Variants in PDE10A observed in about 807,000 individuals in gnomAD.
The protein encoded by PDE10A is phosphodiesterase 10A.
Under a neutral mutation model 97.7 loss-of-function variants are expected in PDE10A, and 39 were observed. That is an observed-to-expected ratio of 0.40 (90% CI 0.31 to 0.52). The LOEUF (loss-of-function observed/expected upper bound fraction) is 0.52, where lower values mean the gene tolerates loss of function less well. Among genes scored for constraint, PDE10A ranks in the 20% least tolerant of loss-of-function variants. The pLI, the probability that PDE10A is intolerant of heterozygous loss-of-function variation, is 0.56. For missense variants in PDE10A, 731 were observed against 1,047.8 expected (o/e 0.70, Z 4.17); for synonymous variants, 371 against 376.8 (o/e 0.98, Z 0.18).
At chr6:165,966,402 G>A (rs1395761878) in intron 1 of PDE10A, among the ~76,000 whole-genome samples, 2 of 152,198 alleles carry the variant, frequency 1.3e-5, no homozygotes, top group Non-Finnish European at 2.9e-5. Flanking sequence ...TCCTGACCAT[G>A]TGTCTCGCTG....
chr6:165,589,906 T>C (rs1007590673), intron 1 of PDE10A, among the ~76,000 whole-genome samples: 1 of 152,202 alleles, frequency 6.6e-6, no homozygotes, highest in Non-Finnish European at 1.5e-5. Context: ...ACTCTACCTT[T>C]AAATATAAAT....
intron 20 of PDE10A, among the ~76,000 whole-genome samples, chr6:165,338,784 TGGCCAAGGTA>T (rs1781800680): frequency 6.6e-6 from 1 of 152,230 alleles, no homozygotes; most frequent in East Asian, 1.9e-4. Flanking sequence ...AAAGGAGTCG[TGGCCAAGGTA>T]GTATGAATTC....
At chr6:165,720,409 G>A (rs1792136374) in intron 1 of PDE10A, among the ~76,000 whole-genome samples, 1 of 152,188 alleles carries the variant, frequency 6.6e-6, no homozygotes, top group Admixed American at 6.5e-5. Context: ...GTTTTGCTGA[G>A]AGCGGAATGG....
At chr6:165,766,179 A>G (rs1014566803) in intron 1 of PDE10A, among the ~76,000 whole-genome samples, 2 of 152,202 alleles carry the variant, frequency 1.3e-5, no homozygotes, top group African/African-American at 2.4e-5. Context: ...AGAAAGAGGT[A>G]ACCCACAGGG....
At chr6:165,927,870 A>G (rs1035695249) in intron 1 of PDE10A, among the ~76,000 whole-genome samples, 1 of 149,256 alleles carries the variant, frequency 6.7e-6, no homozygotes, top group Non-Finnish European at 1.5e-5. Context: ...CTAATTTTTA[A>G]ATTTTTAGTA....
At chr6:165,659,163 CAT>C (rs979810653) in intron 1 of PDE10A, among the ~76,000 whole-genome samples, 2 of 152,098 alleles carry the variant, frequency 1.3e-5, no homozygotes, top group African/African-American at 2.4e-5. Flanking sequence ...ACCCTCTACA[CAT>C]GATTTGCTTT....
intron 6 of PDE10A, among the ~76,000 whole-genome samples, chr6:165,433,743 C>T (rs1789770385): frequency 6.6e-6 from 1 of 152,052 alleles, no homozygotes; most frequent in African/African-American, 2.4e-5. Flanking sequence ...GGGCCGGGCG[C>T]AGTGGCTCAA....
intron 5 of PDE10A, among the ~76,000 whole-genome samples, chr6:165,439,558 T>G (rs1453563156): frequency 6.6e-6 from 1 of 152,212 alleles, no homozygotes; most frequent in East Asian, 1.9e-4. Context: ...TCGATGAGAT[T>G]GCCCAAAGAG....
At chr6:165,853,909 C>T (rs1780640909) in intron 1 of PDE10A, among the ~76,000 whole-genome samples, 1 of 152,212 alleles carries the variant, frequency 6.6e-6, no homozygotes, top group African/African-American at 2.4e-5. Flanking sequence ...ACCCAACCGC[C>T]GAGAAGGCAA....
At chr6:165,653,981 T>A (rs1049279405) in intron 1 of PDE10A, among the ~76,000 whole-genome samples, 3 of 152,098 alleles carry the variant, frequency 2.0e-5, no homozygotes, top group African/African-American at 7.2e-5. Context: ...GGCTCTCTCC[T>A]CTCTGGAACC....
chr6:165,502,953 TC>T (rs1178387120), intron 2 of PDE10A, among the ~76,000 whole-genome samples: 1 of 152,194 alleles, frequency 6.6e-6, no homozygotes, highest in Non-Finnish European at 1.5e-5. Flanking sequence ...TCATGAAAAC[TC>T]ATTAAACTAT....
At chr6:165,589,785 A>C (rs527865378) in intron 1 of PDE10A, among the ~76,000 whole-genome samples, 1 of 152,350 alleles carries the variant, frequency 6.6e-6, no homozygotes, top group African/African-American at 2.4e-5. Flanking sequence ...ACTTATCTGC[A>C]TATGGTATGA....
intron 1 of PDE10A, among the ~76,000 whole-genome samples, chr6:165,675,320 G>A (rs543896156): frequency 1.3e-5 from 2 of 152,234 alleles, no homozygotes; most frequent in Admixed American, 6.5e-5. Flanking sequence ...TGTAAATAAC[G>A]TTGGACTGCA....
intron 1 of PDE10A, among the ~76,000 whole-genome samples, chr6:165,870,183 T>C (rs1781163937): frequency 6.6e-6 from 1 of 152,112 alleles, no homozygotes; most frequent in South Asian, 2.1e-4. Flanking sequence ...GGAGAGAAAA[T>C]ATTTGCAAAC....
intron 18 of PDE10A, among the ~76,000 whole-genome samples, chr6:165,352,923 A>G (rs1283812125): frequency 3.3e-5 from 5 of 152,176 alleles, no homozygotes; most frequent in Non-Finnish European, 5.9e-5. Context: ...GACCGAGAGA[A>G]AACATTGGCA....
At chr6:165,919,321 G>A (rs951557572) in intron 1 of PDE10A, among the ~76,000 whole-genome samples, 1 of 152,160 alleles carries the variant, frequency 6.6e-6, no homozygotes, top group African/African-American at 2.4e-5. Context: ...TGGGGACTGG[G>A]TATGAAGGCA....
chr6:165,485,191 G>A (rs1012703799), intron 2 of PDE10A, among the ~76,000 whole-genome samples: 4 of 152,136 alleles, frequency 2.6e-5, no homozygotes, highest in African/African-American at 9.7e-5. Flanking sequence ...GACAAGCCTG[G>A]CTGGACGCGG....
intron 1 of PDE10A, among the ~76,000 whole-genome samples, chr6:165,574,206 T>C (rs1286868562): frequency 1.3e-5 from 2 of 151,952 alleles, no homozygotes; most frequent in Non-Finnish European, 1.5e-5. Context: ...CTCCTACTTA[T>C]GCAAATAAAT....
intron 3 of PDE10A, among the ~76,000 whole-genome samples, chr6:165,467,858 G>A (rs1181906643): frequency 6.6e-6 from 1 of 152,322 alleles, no homozygotes; most frequent in African/African-American, 2.4e-5. Flanking sequence ...GCATGCTGCA[G>A]AGAAATCTTC....
Sources: gnomAD v4.1 joint callset for allele counts (sites outside exome capture counted in the v4.1 genomes callset) on GRCh38, gnomAD v4.1.1 for gene constraint, MANE v1.5 for transcripts, NCBI Gene and HGNC (gene_info 2026-07-23, HGNC 2026-07-21) for gene names.